PDE3B: variants seen among roughly 807,000 people sequenced by gnomAD.
PDE3B encodes cGMP-inhibited 3',5'-cyclic phosphodiesterase 3B.
Under a neutral mutation model 116.8 loss-of-function variants are expected in PDE3B, and 66 were observed. The observed-to-expected ratio is 0.56, with a 90% CI of 0.46 to 0.69. The LOEUF (loss-of-function observed/expected upper bound fraction) is 0.69, where lower values mean the gene tolerates loss of function less well. Ranked by LOEUF, PDE3B falls within the 30% of genes least tolerant of loss-of-function variation. PDE3B has a pLI of 0.00. For synonymous variants in PDE3B, 595 were observed against 533.6 expected (o/e 1.12, Z -1.59); for missense variants, 1,384 against 1,368.1 (o/e 1.01, Z -0.18).
At chr11:14,730,047 A>AT (rs1483356877) in intron 1 of PDE3B, among the ~76,000 whole-genome samples, 19 of 152,206 alleles carry the variant, frequency 1.2e-4, no homozygotes, top group Non-Finnish European at 2.5e-4. Flanking sequence ...ACAGCACATC[A>AT]GTCTGGTGAA....
In PDE3B at chr11:14,644,370, G is replaced by A. The variant is rs200051655; in HGVS notation, c.295G>A (p.Glu99Lys). 3.9e-4 allele frequency: 628 copies of A among 1,598,004 alleles called. 5 individuals carry two copies. The African/African-American group carries it at 7.2e-3, about 18-fold the overall frequency. Reference protein sequence around the residue: ...VLALLLGAEPESWAAGAAWLR... With the variant: ...VLALLLGAEPKSWAAGAAWLR... ...CGCCCTGCTGCTGGGCGCGGAACCC[G>A]AGAGCTGGGCTGCCGGGGCCGCCTG... Residue 99 changes from glutamate to lysine, a missense_variant, in exon 1 of 16, where the codon GAG becomes AAG. Transcript: ENST00000282096.
At chr11:14,653,383 C>T (rs1216429785) in intron 1 of PDE3B, among the ~76,000 whole-genome samples, 4 of 152,046 alleles carry the variant, frequency 2.6e-5, no homozygotes, top group African/African-American at 9.7e-5. Context: ...CAAAAATCCA[C>T]AAATCAGGCA....
chr11:14,851,304 T>A (rs1847745021), intron 12 of PDE3B, among the ~76,000 whole-genome samples: 1 of 152,156 alleles, frequency 6.6e-6, no homozygotes, highest in African/African-American at 2.4e-5. Context: ...CCCACTTCTT[T>A]ATTCTATGTT....
rs1555009020 is a variant in PDE3B, at chr11:14,871,191, G to A, written c.*1531G>A. The A allele has an allele frequency of 6.6e-6, 1 of 152,094 alleles. No homozygotes were observed. The highest frequency in any genetic ancestry group is 1.5e-5 in the Non-Finnish European group (1 of 68,008). The allele number at this position is 152,094 out of a possible 1,614,324, so 9.4% of individuals were successfully genotyped here. On this transcript the variant is annotated 3_prime_UTR_variant, in exon 16 of 16. Transcript: ENST00000282096. ...GAAAGATATCAATTTAAGATCTCTG[G>A]AAGTGTTAGAATTTTTGATCCTTCA...
intron 1 of PDE3B, among the ~76,000 whole-genome samples, chr11:14,664,174 A>C (rs1170456421): frequency 9.8e-5 from 15 of 152,322 alleles, no homozygotes; most frequent in Admixed American, 5.2e-4. Context: ...CTACTGGGTA[A>C]ATAATGAAAT....
At chr11:14,722,425 A>G (rs1040751444) in intron 1 of PDE3B, among the ~76,000 whole-genome samples, 1 of 152,174 alleles carries the variant, frequency 6.6e-6, no homozygotes, top group Non-Finnish European at 1.5e-5. Flanking sequence ...AAAAAATAAC[A>G]TTTTTATGTA....
chr11:14,725,646 C>G (rs1410932993), intron 1 of PDE3B, among the ~76,000 whole-genome samples: 2 of 137,324 alleles, frequency 1.5e-5, no homozygotes, highest in African/African-American at 5.5e-5. Flanking sequence ...TTTTCTCTCT[C>G]TCTTTCTTAT....
At chr11:14,650,978 C>T (rs1025482366) in intron 1 of PDE3B, among the ~76,000 whole-genome samples, 5 of 151,370 alleles carry the variant, frequency 3.3e-5, no homozygotes, top group African/African-American at 7.3e-5. Context: ...TTTGAATTTG[C>T]GATAATTTGT....
At chr11:14,853,525 G>C (rs531793197) in intron 12 of PDE3B, among the ~76,000 whole-genome samples, 13 of 152,192 alleles carry the variant, frequency 8.5e-5, no homozygotes, top group African/African-American at 3.1e-4. Context: ...AAGGACCCTT[G>C]TAAAAATCTA....
intron 12 of PDE3B, among the ~76,000 whole-genome samples, chr11:14,844,503 G>A (rs1472798008): frequency 6.6e-6 from 1 of 152,194 alleles, no homozygotes; most frequent in African/African-American, 2.4e-5. Context: ...TGGGTGCAGC[G>A]CACCGTGCGC....
chr11:14,673,735 A>G (rs1854444738), intron 1 of PDE3B: 1 of 766,748 alleles, frequency 1.3e-6, no homozygotes. Flanking sequence ...GTATAGGCCA[A>G]CATTGCTCCA....
chr11:14,705,385 C>T (rs984183755), intron 1 of PDE3B, among the ~76,000 whole-genome samples: 1 of 151,678 alleles, frequency 6.6e-6, no homozygotes, highest in African/African-American at 2.4e-5. Context: ...ATGGAGGAAG[C>T]CACATACAAT....
chr11:14,811,501 GCT>G (rs1388755097), intron 5 of PDE3B, among the ~76,000 whole-genome samples: 1 of 151,384 alleles, frequency 6.6e-6, no homozygotes, highest in Non-Finnish European at 1.5e-5. Flanking sequence ...ATTTCTGAGG[GCT>G]CTGTTTTGGT....
intron 1 of PDE3B, among the ~76,000 whole-genome samples, chr11:14,705,738 A>G (rs117698737): frequency 0.03 from 4,488 of 151,826 alleles, 95 homozygotes; most frequent in Non-Finnish European, 0.045. Context: ...TACAATGTTT[A>G]TTGTTGAATG....
At chr11:14,896,341 T>C in the PDE3B span, among the ~76,000 whole-genome samples, 2 of 152,156 alleles carry the variant, frequency 1.3e-5, no homozygotes, top group Non-Finnish European at 2.9e-5. Context: ...TTGCCATGTG[T>C]TCTTTCAGTC....
rs1859393756 is a variant in PDE3B, at chr11:14,818,251, A to T, written c.1591A>T (p.Asn531Tyr). 1.2e-6 allele frequency: 2 copies of T among 1,613,404 alleles called. No homozygotes were observed. The highest frequency in any genetic ancestry group is 1.7e-6 in the Non-Finnish European group (2 of 1,179,560). Residue 531 changes from asparagine (N) to tyrosine (Y), a missense_variant, in exon 6 of 16, where the codon AAT (asparagine) becomes TAT (tyrosine). By Grantham distance (143) the Asn-to-Tyr change is moderately radical. Coordinates refer to ENST00000282096, the MANE Select transcript of PDE3B (RefSeq NM_000922.4). ...HGPVSTGSLT[N>Y]RSPIEFPDTA... ...ACCAGTGTCTACTGGCTCTCTAACT[A>T]ATCGATCACCCATAGAATTTCCTGA...
At position 14,771,989 on chromosome 11, in the gene PDE3B, TA is replaced by T; in HGVS notation, c.1029+4del. 1 of 1,143,628 alleles carries T rather than the reference TA, an allele frequency of 8.7e-7. No homozygotes were observed. The highest frequency in any genetic ancestry group is 1.5e-5 in the South Asian group (1 of 66,326). The allele number at this position is 1,143,628 out of a possible 1,614,324, so 70.8% of individuals were successfully genotyped here. On this transcript the variant is annotated splice_donor_region_variant and intron_variant, in intron 2 of 15. Coordinates refer to ENST00000282096, the MANE Select transcript of PDE3B (RefSeq NM_000922.4). ...CAATGGTATAAGCCTCATTATCAAG[TA>T]AGTATAATTAATATCTGTGATGAAT...
intron 11 of PDE3B, among the ~76,000 whole-genome samples, chr11:14,842,510 A>G (rs1847497557): frequency 6.6e-6 from 1 of 152,226 alleles, no homozygotes; most frequent in Non-Finnish European, 1.5e-5. Flanking sequence ...CTTATTAGAA[A>G]TTTGAGTGCT....
chr11:14,892,041 C>G, the PDE3B span: 1 of 1,613,204 alleles, frequency 6.2e-7, no homozygotes, highest in Admixed American at 1.7e-5. Flanking sequence ...ATGAGGCTGC[C>G]AGGGAATAGA....
Sources: gnomAD v4.1 joint callset for allele counts (sites outside exome capture counted in the v4.1 genomes callset) on GRCh38, gnomAD v4.1.1 for gene constraint, MANE v1.5 for transcripts, NCBI Gene and HGNC (gene_info 2026-07-23, HGNC 2026-07-21) for gene names.